The following PISD variants were observed in gnomAD, a reference collection of about 807,000 sequenced individuals.
PISD encodes phosphatidylserine decarboxylase, also known as phosphatidylserine decarboxylase proenzyme, mitochondrial.
PISD carries 31 observed loss-of-function variants against 43.5 expected under a neutral mutation model. That is an observed-to-expected ratio of 0.71 (90% confidence interval 0.54 to 0.96). The LOEUF (loss-of-function observed/expected upper bound fraction) is 0.96, where lower values mean the gene tolerates loss of function less well. Among genes scored for constraint, PISD ranks in the 40% least tolerant of loss-of-function variants. PISD has a pLI of 0.00. For synonymous variants in PISD, 259 were observed against 228.7 expected, an observed-to-expected ratio of 1.13 and a Z score of -1.20; for missense variants, 523 against 548.4, an observed-to-expected ratio of 0.95 and a Z score of 0.46.
chr22:31,631,740 C>G (rs1001488762), intron 3 of PISD, among the ~76,000 whole-genome samples: 1 of 152,208 alleles, frequency 6.6e-6, no homozygotes, highest in African/African-American at 2.4e-5. Flanking sequence ...AGAGGGATCA[C>G]CATTCAACCA....
At position 31,650,766 on chromosome 22, in the gene PISD, A is replaced by G; in HGVS notation, c.78T>C (p.Cys26=). 1.3e-6 allele frequency: 2 copies of G among 1,546,132 alleles called. No homozygotes were observed. The highest frequency in any genetic ancestry group is 1.9e-5 in the Admixed American group (1 of 51,346). The change falls in exon 2 of 8, where the codon TGT becomes TGC. Residue 26 remains cysteine (C), a synonymous_variant. Transcript: ENST00000439502. ...GGGATTGGCTCAGGGCAGTGATCTC[A>G]CAGGGATGGAGGCTATAACCAAGCA... The part of the protein sequence containing the change: ...VAPWRSSLHP[C]EITALSQSLQ...
chr22:31,637,161 AAAAATATATATATATATAT>A lies in PISD; in HGVS notation c.321+10921_321+10939del, dbSNP rs1480321061. Among the ~76,000 whole-genome samples the A allele has an allele frequency of 6.8e-3, 158 of 23,280 alleles. 1 individual carries two copies. The highest frequency in any genetic ancestry group is 0.027 in the African/African-American group (125 of 4,564). The allele number at this position is 23,280 out of a possible 152,430, so 15.3% of individuals were successfully genotyped here. A position where few individuals can be genotyped will look rare whatever the true frequency, so the allele number is the denominator to read the frequency against. Reference sequence around the variant, plus strand: ...AATAAATTAAAAAAAAAAAAAAAAAAAAAATATATATATATATATATATATATATATATATATATATATA... The same window carrying A: ...AATAAATTAAAAAAAAAAAAAAAAAAATATATATATATATATATATATATA... On this transcript the variant is annotated intron_variant, in intron 3 of 7. Coordinates refer to ENST00000439502, the MANE Select transcript of PISD (RefSeq NM_001326411.2).
chr22:31,650,568 A>G (rs926331486), intron 2 of PISD, 131 bp downstream of exon 2: 7 of 528,152 alleles, frequency 1.3e-5, no homozygotes, highest in African/African-American at 2.0e-5. Context: ...CGCTTCAGTG[A>G]TAACTGCATG....
At chr22:31,628,980 C>T (rs2073056185) in intron 3 of PISD, 1 of 985,432 alleles carries the variant, frequency 1.0e-6, no homozygotes, top group Non-Finnish European at 1.2e-6. Flanking sequence ...GAGTGACCGG[C>T]CCTGTGAATA....
intron 3 of PISD, among the ~76,000 whole-genome samples, chr22:31,636,732 C>T (rs1156398025): frequency 6.6e-6 from 1 of 151,828 alleles, no homozygotes; most frequent in Non-Finnish European, 1.5e-5. Context: ...TTAGTAGAGA[C>T]GGGGTTTCAA....
At chr22:31,644,403 C>T (rs1399333903) in intron 3 of PISD, among the ~76,000 whole-genome samples, 5 of 151,892 alleles carry the variant, frequency 3.3e-5, no homozygotes, top group Admixed American at 1.3e-4. Context: ...CCATGCCTGG[C>T]TAATTTTTTG....
In PISD at chr22:31,629,309, G is replaced by A. The variant is rs1015578235; in HGVS notation, c.322-7424C>T. 11 of 760,262 alleles carry A rather than the reference G, an allele frequency of 1.4e-5. No individual in the cohort carries two copies. The African/African-American group carries it at 1.9e-4, about 13-fold the overall frequency. 47.1% of individuals were successfully genotyped at this position (760,262 alleles called of 1,614,324 possible). A position where few individuals can be genotyped will look rare whatever the true frequency, so the allele number is the denominator to read the frequency against. The stretch of plus-strand genomic sequence containing the variant: ...GCAGGTGCAAGGGTATGTGCATGGA[G>A]GGGTGCGTGTATAGGTGCGAGGATG... On this transcript the variant is annotated intron_variant, in intron 3 of 7. Transcript: ENST00000439502.
In PISD at chr22:31,621,472, T is replaced by G. The variant is rs1392910016; in HGVS notation, c.559A>C (p.Ile187Leu). 6.2e-7 allele frequency: 1 copy of G among 1,614,006 alleles called. No individual in the cohort carries two copies. Among genetic ancestry groups the G allele is most frequent in the African/African-American group, 1.3e-5 (1 of 74,920 alleles). ...AGGATCCTTCCATCCGATGGGCTAA[T>G]CTGGAAGGGCAGGAGAGGCTTGCTG... ...ARPVCGLHSVISPSDGRILNF... is the reference protein window; with the variant it reads ...ARPVCGLHSVLSPSDGRILNF... The change falls in exon 5 of 8, where the codon ATT becomes CTT. Residue 187 changes from isoleucine to leucine, a missense_variant and splice_region_variant. Physicochemically the swap from Ile to Leu is conservative, Grantham distance 5 (BLOSUM62 2). Transcript: ENST00000439502.
At chr22:31,622,454 G>A (rs1314415990) in intron 3 of PISD, among the ~76,000 whole-genome samples, 1 of 152,212 alleles carries the variant, frequency 6.6e-6, no homozygotes, top group African/African-American at 2.4e-5. Flanking sequence ...CTGTCACCTG[G>A]GCCTGAGCTG....
chr22:31,643,244 T>C (rs1347884882), intron 3 of PISD, among the ~76,000 whole-genome samples: 3 of 152,212 alleles, frequency 2.0e-5, no homozygotes, highest in South Asian at 2.1e-4. Context: ...TCTGTCATAG[T>C]GTTTGCTATA....
chr22:31,650,543 A>AAG (rs1556425803), intron 2 of PISD, among the ~76,000 whole-genome samples, 156 bp downstream of exon 2: 4 of 151,242 alleles, frequency 2.6e-5, no homozygotes, highest in Non-Finnish European at 3.0e-5. Context: ...AAAAAAAAAG[A>AAG]AAAAGAAAAC....
chr22:31,657,118 C>G (rs2074201279), intron 1 of PISD, among the ~76,000 whole-genome samples: 1 of 152,090 alleles, frequency 6.6e-6, no homozygotes, highest in Admixed American at 6.6e-5. Context: ...TACAAACAAT[C>G]CAGTTATACT....
chr22:31,657,736 G>C (rs1468814816), intron 1 of PISD, among the ~76,000 whole-genome samples: 1 of 151,028 alleles, frequency 6.6e-6, no homozygotes, highest in African/African-American at 2.4e-5. Flanking sequence ...GGCCACGCTG[G>C]TGTTGAACTC....
chr22:31,646,761 G>A (rs894761011), intron 3 of PISD, among the ~76,000 whole-genome samples: 23 of 152,106 alleles, frequency 1.5e-4, no homozygotes, highest in Admixed American at 1.2e-3. Context: ...ATGTTTACAG[G>A]GGAAACCAGC....
At chr22:31,639,053 G>A (rs1445474156) in intron 3 of PISD, among the ~76,000 whole-genome samples, 2 of 151,418 alleles carry the variant, frequency 1.3e-5, no homozygotes, top group African/African-American at 2.4e-5. Context: ...GAGTGCAGTG[G>A]CATGATCTCA....
chr22:31,633,758 C>T (rs980911050), intron 3 of PISD, among the ~76,000 whole-genome samples: 1 of 152,080 alleles, frequency 6.6e-6, no homozygotes, highest in African/African-American at 2.4e-5. Context: ...ACCCATAAAC[C>T]AGCCCACAAG....
At chr22:31,627,168 A>G (rs1014800077) in intron 3 of PISD, among the ~76,000 whole-genome samples, 4 of 152,232 alleles carry the variant, frequency 2.6e-5, no homozygotes, top group Admixed American at 6.5e-5. Flanking sequence ...AAGGTCAGAC[A>G]CAAGCGTGGA....
intron 3 of PISD, among the ~76,000 whole-genome samples, chr22:31,624,646 C>CACAG (rs139043278): frequency 0.099 from 13,264 of 134,038 alleles, 756 homozygotes; most frequent in Admixed American, 0.16. Flanking sequence ...GCTGGGGCTG[C>CACAG]ACAGACAGAC....
rs1170065645 is a variant in PISD at position 31,648,138 on chromosome 22, C to G, written c.284G>C (p.Gly95Ala). The G allele has an allele frequency of 2.5e-6, 4 of 1,612,096 alleles. No homozygotes were observed. Among genetic ancestry groups the G allele is most frequent in the African/African-American group, 2.7e-5 (2 of 74,880 alleles). The change falls in exon 3 of 8, where the codon GGA becomes GCA. Residue 95 changes from glycine (G) to alanine (A), a missense_variant. Coordinates refer to ENST00000439502, the MANE Select transcript of PISD (RefSeq NM_001326411.2). Reference sequence around the variant, plus strand: ...AGCAAGTTTGGGTGGAATCTCCAATCCCAGCTTCTCCAGCTCTCGCTCCCT... The same window carrying G: ...AGCAAGTTTGGGTGGAATCTCCAATGCCAGCTTCTCCAGCTCTCGCTCCCT... ...KYRERELEKL[G>A]LEIPPKLAGH...
Sources: gnomAD v4.1 joint callset for allele counts (sites outside exome capture counted in the v4.1 genomes callset) on GRCh38, gnomAD v4.1.1 for gene constraint, MANE v1.5 for transcripts, NCBI Gene and HGNC (gene_info 2026-07-23, HGNC 2026-07-21) for gene names.